Variants in TPST1 observed in about 807,000 individuals in gnomAD.
TPST1 encodes protein-tyrosine sulfotransferase 1.
A neutral mutation model predicts 34.8 loss-of-function variants in TPST1; 20 were observed. The ratio of observed to expected loss-of-function variants is 0.57; its 90% CI spans 0.40 to 0.84. TPST1 has a LOEUF of 0.84. Among genes scored for constraint, TPST1 ranks in the 40% least tolerant of loss-of-function variants. The probability of loss-of-function intolerance (pLI) is 0.00; values close to 1 mark genes in which losing one functional copy is unlikely to be tolerated. For missense variants in TPST1, 353 were observed against 455.5 expected, an observed-to-expected ratio of 0.78 and a Z score of 2.05; for synonymous variants, 152 against 159.4, an observed-to-expected ratio of 0.95 and a Z score of 0.35.
chr7:66,240,578 G>A lies in TPST1; in HGVS notation c.153G>A (p.Val51=), dbSNP rs1399204187. The A allele has an allele frequency of 6.2e-7, 1 of 1,614,186 alleles. No homozygotes were observed. The highest frequency in any genetic ancestry group is 2.2e-5 in the East Asian group (1 of 44,878). ...PVKLESTRTT[V]RTGLDLKANK... is the part of the protein sequence containing the mutation. ...AATTGGAGAGCACAAGGACCACTGT[G>A]AGAACTGGCCTGGACCTCAAAGCCA... Residue 51 remains valine (V), a synonymous_variant, in exon 2 of 6, where the codon GTG becomes GTA. Transcript: ENST00000304842.
chr7:66,266,764 C>G (rs1199602756), intron 2 of TPST1, among the ~76,000 whole-genome samples: 1 of 152,196 alleles, frequency 6.6e-6, no homozygotes, highest in Non-Finnish European at 1.5e-5. Context: ...TAAGTGTACA[C>G]AGCCAGCTGC....
At chr7:66,263,128 AAAAAT>A (rs996324839) in intron 2 of TPST1, among the ~76,000 whole-genome samples, 3 of 151,926 alleles carry the variant, frequency 2.0e-5, no homozygotes, top group African/African-American at 4.8e-5. Context: ...AAAAAAATAA[AAAAAT>A]AAAATAAAAT....
intron 2 of TPST1, among the ~76,000 whole-genome samples, chr7:66,254,685 C>T (rs1039195257): frequency 2.0e-5 from 3 of 152,158 alleles, no homozygotes; most frequent in Non-Finnish European, 2.9e-5. Context: ...ATTATAGGCA[C>T]AAGCCACCAT....
chr7:66,220,373 T>C (rs2116281982), intron 1 of TPST1, among the ~76,000 whole-genome samples: 1 of 152,280 alleles, frequency 6.6e-6, no homozygotes, highest in African/African-American at 2.4e-5. Flanking sequence ...ATTCATTAAT[T>C]CATTCAAAAG....
At chr7:66,328,899 TATATATA>T (rs1162913171) in intron 3 of TPST1, among the ~76,000 whole-genome samples, 1 of 56,754 alleles carries the variant, frequency 1.8e-5, no homozygotes, top group Non-Finnish European at 3.3e-5. Flanking sequence ...TATATATATA[TATATATA>T]TTTTTTTTTT....
In TPST1 at chr7:66,238,613, T is replaced by G. The variant is rs1298192202; in HGVS notation, c.-101-1712T>G. Among the ~76,000 whole-genome samples the G allele has an allele frequency of 2.0e-5, 3 of 152,114 alleles. No individual in the cohort carries two copies. The East Asian group carries it at 5.8e-4, about 29-fold the overall frequency. On this transcript the variant is annotated intron_variant, in intron 1 of 5. Coordinates refer to ENST00000304842, the MANE Select transcript of TPST1 (RefSeq NM_003596.4). ...AACCTCAGTCTTTGCTCTTAAAGCC[T>G]TTACCTGTTAGATGAGGCCTTCCTG... is the stretch of plus-strand genomic sequence containing the variant.
At chr7:66,229,433 A>T (rs1789732370) in intron 1 of TPST1, among the ~76,000 whole-genome samples, 1 of 152,210 alleles carries the variant, frequency 6.6e-6, no homozygotes, top group African/African-American at 2.4e-5. Context: ...TTCACACAGC[A>T]TAATGCCTTT....
At chr7:66,296,253 C>T (rs1490150545) in intron 3 of TPST1, among the ~76,000 whole-genome samples, 1 of 36,468 alleles carries the variant, frequency 2.7e-5, no homozygotes, top group African/African-American at 1.6e-4. Context: ...CCCTTCCCCC[C>T]CCCCTCCCCC....
At chr7:66,342,409 A>G (rs1792255793) in intron 3 of TPST1, among the ~76,000 whole-genome samples, 1 of 152,110 alleles carries the variant, frequency 6.6e-6, no homozygotes, top group African/African-American at 2.4e-5. Flanking sequence ...AAGCCGTAGC[A>G]CTCCTTAGCA....
chr7:66,270,525 G>A (rs1426495939), intron 2 of TPST1, among the ~76,000 whole-genome samples: 5 of 152,116 alleles, frequency 3.3e-5, no homozygotes, highest in African/African-American at 1.2e-4. Context: ...TTTAGACATT[G>A]TAGCTTATTC....
chr7:66,298,932 G>T (rs1418464415), intron 3 of TPST1, among the ~76,000 whole-genome samples: 1 of 151,854 alleles, frequency 6.6e-6, no homozygotes, highest in East Asian at 1.9e-4. Context: ...GACCATCCTG[G>T]CTAACATGGT....
chr7:66,200,803 C>T (rs560820543), upstream of TPST1, among the ~76,000 whole-genome samples: 14 of 151,930 alleles, frequency 9.2e-5, no homozygotes, highest in Admixed American at 2.0e-4. Flanking sequence ...CTCCGCTCAC[C>T]GCAGCCTCCA....
At chr7:66,236,649 A>T (rs944264231) in intron 1 of TPST1, among the ~76,000 whole-genome samples, 1 of 152,192 alleles carries the variant, frequency 6.6e-6, no homozygotes, top group Non-Finnish European at 1.5e-5. Flanking sequence ...CCTTGGGCAC[A>T]GGTCATCAGG....
intron 4 of TPST1, among the ~76,000 whole-genome samples, chr7:66,354,033 C>T (rs920806381): frequency 1.2e-4 from 18 of 152,306 alleles, no homozygotes; most frequent in African/African-American, 4.1e-4. Context: ...ATTTACTATT[C>T]ATCCATTCAT....
chr7:66,345,922 TTCTA>T (rs1792342831), intron 3 of TPST1, among the ~76,000 whole-genome samples: 1 of 152,156 alleles, frequency 6.6e-6, no homozygotes, highest in Non-Finnish European at 1.5e-5. Context: ...ATTTTATTCC[TTCTA>T]TCTAATAATA....
chr7:66,207,776 A>G (rs1789162079), intron 1 of TPST1, among the ~76,000 whole-genome samples: 1 of 152,172 alleles, frequency 6.6e-6, no homozygotes, highest in African/African-American at 2.4e-5. Context: ...ATGCTTGATT[A>G]CTTCAAATGT....
chr7:66,261,757 T>C (rs1203324268), intron 2 of TPST1, among the ~76,000 whole-genome samples: 8 of 152,186 alleles, frequency 5.3e-5, no homozygotes, highest in Non-Finnish European at 4.4e-5. Flanking sequence ...TACCTAACCT[T>C]TGTATGCCTC....
chr7:66,273,052 A>G (rs1267560521), intron 2 of TPST1, among the ~76,000 whole-genome samples: 3 of 152,216 alleles, frequency 2.0e-5, no homozygotes, highest in African/African-American at 7.2e-5. Flanking sequence ...TCCACCAAAA[A>G]TTGTTAGAAC....
At chr7:66,310,573 A>G (rs1791510023) in intron 3 of TPST1, among the ~76,000 whole-genome samples, 1 of 152,132 alleles carries the variant, frequency 6.6e-6, no homozygotes, top group Admixed American at 6.5e-5. Context: ...AAAGAGGTCA[A>G]GGGAGTGTCT....
Sources: allele counts gnomAD v4.1 joint callset (sites outside exome capture counted in the v4.1 genomes callset), GRCh38; gene constraint gnomAD v4.1.1; transcripts MANE v1.5; gene names NCBI Gene and HGNC (gene_info 2026-07-23, HGNC 2026-07-21).